The following MARCHF1 variants were observed in gnomAD, a reference collection of about 807,000 sequenced individuals.
The protein encoded by MARCHF1 is E3 ubiquitin-protein ligase MARCHF1.
Under a neutral mutation model 54.2 loss-of-function variants are expected in MARCHF1, and 40 were observed. The ratio of observed to expected loss-of-function variants is 0.74; its 90% CI spans 0.57 to 0.96. MARCHF1 has a LOEUF of 0.96. Among genes scored for constraint, MARCHF1 ranks in the 40% least tolerant of loss-of-function variants. The pLI, the probability that MARCHF1 is intolerant of heterozygous loss-of-function variation, is 0.00. For missense variants in MARCHF1, 586 were observed against 656.5 expected, an observed-to-expected ratio of 0.89 and a Z score of 1.17; for synonymous variants, 236 against 236.3, an observed-to-expected ratio of 1.00 and a Z score of 0.01.
At chr4:163,980,409 A>T (rs1004815674) in intron 3 of MARCHF1, among the ~76,000 whole-genome samples, 4 of 147,048 alleles carry the variant, frequency 2.7e-5, no homozygotes, top group Non-Finnish European at 4.5e-5. Context: ...AAAACCATAA[A>T]AACCCTAGAA....
chr4:163,975,677 C>T (rs948116895), intron 3 of MARCHF1, among the ~76,000 whole-genome samples: 1 of 152,142 alleles, frequency 6.6e-6, no homozygotes, highest in Non-Finnish European at 1.5e-5. Context: ...CTTATAAACC[C>T]TTTCAAAGAA....
chr4:164,044,436 T>C (rs1406077917), intron 2 of MARCHF1, among the ~76,000 whole-genome samples: 1 of 151,998 alleles, frequency 6.6e-6, no homozygotes, highest in East Asian at 1.9e-4. Flanking sequence ...AACAACCATA[T>C]CTTGTGAGAA....
At chr4:163,651,225 T>C (rs1742951504) in intron 5 of MARCHF1, among the ~76,000 whole-genome samples, 2 of 151,908 alleles carry the variant, frequency 1.3e-5, no homozygotes, top group Admixed American at 1.3e-4. Context: ...GTTTTTGGAT[T>C]GTTGTTTGCT....
At chr4:164,226,915 T>C (rs1457550435) in intron 1 of MARCHF1, among the ~76,000 whole-genome samples, 2 of 152,050 alleles carry the variant, frequency 1.3e-5, no homozygotes, top group Non-Finnish European at 2.9e-5. Context: ...CAATACCATG[T>C]CCCCCAATTA....
intron 1 of MARCHF1, among the ~76,000 whole-genome samples, chr4:164,373,352 C>CTTTTTTTTTTTTTTTTTTT (rs5863683): frequency 1.1e-5 from 1 of 91,616 alleles, no homozygotes; most frequent in Non-Finnish European, 2.0e-5. Context: ...TGAAAAACTA[C>CTTTTTTTTTTTTTTTTTTT]TTTTTTTTTT....
chr4:164,199,681 CAGAGAGAG>C (rs70952609), intron 1 of MARCHF1, among the ~76,000 whole-genome samples: 4,867 of 47,454 alleles, frequency 0.1, 232 homozygotes, highest in South Asian at 0.14. Context: ...CACACACACA[CAGAGAGAG>C]AGAGAGAGAG....
intron 2 of MARCHF1, among the ~76,000 whole-genome samples, chr4:163,999,161 C>T (rs966213188): frequency 1.7e-4 from 25 of 151,462 alleles, no homozygotes; most frequent in Non-Finnish European, 1.6e-4. Flanking sequence ...GTGAGGTGAT[C>T]CCTCATTAGC....
intron 1 of MARCHF1, among the ~76,000 whole-genome samples, chr4:164,304,279 G>A (rs935419699): frequency 6.6e-6 from 1 of 152,154 alleles, no homozygotes; most frequent in Admixed American, 6.5e-5. Context: ...CAAACTGTGA[G>A]GCCTCTAGCA....
chr4:163,911,860 T>C (rs6854422), intron 3 of MARCHF1, among the ~76,000 whole-genome samples: 142,894 of 152,194 alleles, frequency 0.94, 67,554 homozygotes, highest in South Asian at 0.99. Context: ...ATCTTGCTGA[T>C]ACCTTGATCT....
intron 9 of MARCHF1, among the ~76,000 whole-genome samples, chr4:163,536,038 G>A (rs1429254880): frequency 6.6e-6 from 1 of 152,114 alleles, no homozygotes; most frequent in Non-Finnish European, 1.5e-5. Flanking sequence ...TAGTGCTGAG[G>A]TTGAGAATCC....
At chr4:163,754,036 A>G (rs1322480474) in intron 4 of MARCHF1, among the ~76,000 whole-genome samples, 2 of 152,194 alleles carry the variant, frequency 1.3e-5, no homozygotes, top group Non-Finnish European at 2.9e-5. Flanking sequence ...AAAAGAATTC[A>G]TTGACTCATG....
chr4:163,966,016 T>C (rs1752437001), intron 3 of MARCHF1, among the ~76,000 whole-genome samples: 1 of 152,070 alleles, frequency 6.6e-6, no homozygotes, highest in Admixed American at 6.6e-5. Flanking sequence ...ATTTAAGTAT[T>C]TTTGGTATCT....
chr4:163,904,748 T>C (rs1441349777), intron 3 of MARCHF1, among the ~76,000 whole-genome samples: 1 of 54,066 alleles, frequency 1.8e-5, no homozygotes, highest in Non-Finnish European at 4.6e-5. Flanking sequence ...TTCAGTATGG[T>C]TTCCAGGAGA....
chr4:164,226,762 T>C (rs756444211), intron 1 of MARCHF1, among the ~76,000 whole-genome samples: 21 of 152,024 alleles, frequency 1.4e-4, no homozygotes, highest in Non-Finnish European at 3.1e-4. Context: ...TGACTGTACA[T>C]TCTTCCCTTC....
At chr4:163,920,651 C>G (rs1382737129) in intron 3 of MARCHF1, among the ~76,000 whole-genome samples, 1 of 152,150 alleles carries the variant, frequency 6.6e-6, no homozygotes, top group Non-Finnish European at 1.5e-5. Flanking sequence ...GGATCCTGCC[C>G]TCTGAGCTCA....
At chr4:163,766,842 A>T (rs765241564) in intron 4 of MARCHF1, among the ~76,000 whole-genome samples, 24 of 152,204 alleles carry the variant, frequency 1.6e-4, no homozygotes, top group Non-Finnish European at 3.2e-4. Flanking sequence ...TTTATGAAAC[A>T]TCAGAGCTTT....
chr4:164,045,999 A>C (rs1754234280), intron 2 of MARCHF1, among the ~76,000 whole-genome samples: 1 of 152,176 alleles, frequency 6.6e-6, no homozygotes, highest in South Asian at 2.1e-4. Context: ...CAGAAACAAA[A>C]GAAAGTTTCT....
At chr4:163,687,697 G>T (rs980811199) in intron 5 of MARCHF1, among the ~76,000 whole-genome samples, 1 of 152,054 alleles carries the variant, frequency 6.6e-6, no homozygotes, top group Non-Finnish European at 1.5e-5. Flanking sequence ...GAGTTCTTCT[G>T]GTTCACCCTC....
intron 7 of MARCHF1, among the ~76,000 whole-genome samples, chr4:163,595,902 C>T (rs1418617964): frequency 6.6e-6 from 1 of 151,784 alleles, no homozygotes; most frequent in Non-Finnish European, 1.5e-5. Flanking sequence ...AGGTAAATCT[C>T]CTGTTAAGGG....
Sources: gnomAD v4.1 joint callset for allele counts (sites outside exome capture counted in the v4.1 genomes callset) on GRCh38, gnomAD v4.1.1 for gene constraint, MANE v1.5 for transcripts, NCBI Gene and HGNC (gene_info 2026-07-23, HGNC 2026-07-21) for gene names.